Variants in TG observed in about 807,000 individuals in gnomAD.
TG encodes thyroglobulin.
Under a neutral mutation model 324.7 loss-of-function variants are expected in TG, and 270 were observed. The ratio of observed to expected loss-of-function variants is 0.83; its 90% CI spans 0.75 to 0.92. TG has a LOEUF of 0.92. Ranked by LOEUF, TG falls within the 40% of genes least tolerant of loss-of-function variation. The pLI, the probability that TG is intolerant of heterozygous loss-of-function variation, is 0.00. For missense variants in TG, 3,591 were observed against 3,456.4 expected (o/e 1.04, Z -0.98); for synonymous variants, 1,401 against 1,327.0 (o/e 1.06, Z -1.21).
intron 35 of TG, chr8:133,001,922 A>C (rs1408004534): frequency 3.7e-5 from 36 of 983,446 alleles, no homozygotes; most frequent in Non-Finnish European, 3.6e-5. Flanking sequence ...TCACTTGATG[A>C]GTGCTGAGCA....
chr8:132,973,098 C>T (rs1829752346), intron 34 of TG, among the ~76,000 whole-genome samples: 1 of 152,132 alleles, frequency 6.6e-6, no homozygotes. Context: ...AGAGTTTGGT[C>T]CCACCTGGGC....
intron 41 of TG, among the ~76,000 whole-genome samples, chr8:133,034,339 T>A (rs986627684): frequency 6.6e-6 from 1 of 152,220 alleles, no homozygotes; most frequent in Non-Finnish European, 1.5e-5. Context: ...ATAAAAGTTT[T>A]GTGCAATCAT....
At chr8:133,039,856 C>A in intron 41 of TG, 6 of 1,412,282 alleles carry the variant, frequency 4.2e-6, no homozygotes, top group Non-Finnish European at 5.7e-6. Context: ...GGGTGCTCAC[C>A]CCCCAGTTTC....
chr8:133,090,115 C>G (rs1847251980), intron 41 of TG: 1 of 152,294 alleles, frequency 6.6e-6, no homozygotes, highest in Admixed American at 6.5e-5. Context: ...ACTCACTTTG[C>G]CTGGAATAAA....
At chr8:133,087,182 T>A (rs1846724396) in intron 41 of TG, among the ~76,000 whole-genome samples, 1 of 151,336 alleles carries the variant, frequency 6.6e-6, no homozygotes, top group Non-Finnish European at 1.5e-5. Flanking sequence ...ATTGGGAGGA[T>A]TATGTGTAAT....
chr8:132,899,633 G>C (rs562969474), intron 14 of TG, among the ~76,000 whole-genome samples: 2 of 152,310 alleles, frequency 1.3e-5, no homozygotes, highest in East Asian at 1.9e-4. Context: ...AGAGAAATTA[G>C]TCACTATTGT....
chr8:132,942,424 C>T (rs947171493), intron 26 of TG, among the ~76,000 whole-genome samples: 1 of 152,160 alleles, frequency 6.6e-6, no homozygotes, highest in Non-Finnish European at 1.5e-5. Context: ...CACTATGTGA[C>T]TGGTCACATT....
chr8:132,881,186 C>T (rs1418430681), intron 5 of TG, among the ~76,000 whole-genome samples: 3 of 152,204 alleles, frequency 2.0e-5, no homozygotes, highest in Non-Finnish European at 4.4e-5. Context: ...CCTTACCTTT[C>T]TATTACTTCT....
intron 25 of TG, among the ~76,000 whole-genome samples, chr8:132,937,491 C>T (rs1563977746): frequency 6.6e-6 from 1 of 152,116 alleles, no homozygotes; most frequent in Non-Finnish European, 1.5e-5. Flanking sequence ...AATCTATGAC[C>T]AGGGTCACTC....
intron 41 of TG, among the ~76,000 whole-genome samples, chr8:133,034,843 A>C (rs185022225): frequency 1.3e-5 from 2 of 152,106 alleles, no homozygotes; most frequent in Admixed American, 1.3e-4. Flanking sequence ...AAGGAGGACC[A>C]TACCTGCCGT....
intron 43 of TG, chr8:133,102,502 C>T: frequency 6.5e-7 from 1 of 1,535,482 alleles, no homozygotes; most frequent in East Asian, 2.4e-5. Context: ...CACCCCAGGC[C>T]ACCTATGGCC....
intron 34 of TG, among the ~76,000 whole-genome samples, chr8:132,977,778 G>A (rs1370760231): frequency 1.3e-5 from 2 of 152,228 alleles, no homozygotes; most frequent in East Asian, 3.9e-4. Flanking sequence ...GGGAATCATG[G>A]GAGCTACAAG....
intron 27 of TG, among the ~76,000 whole-genome samples, chr8:132,953,664 C>G (rs1826426775): frequency 6.6e-6 from 1 of 152,194 alleles, no homozygotes; most frequent in African/African-American, 2.4e-5. Context: ...TTTGGAGACA[C>G]AGCACCTTTT....
chr8:132,960,731 T>G (rs1290596495), intron 27 of TG, among the ~76,000 whole-genome samples: 1 of 152,134 alleles, frequency 6.6e-6, no homozygotes, highest in Non-Finnish European at 1.5e-5. Context: ...CAATCTCCAG[T>G]TCTTTAAGTG....
intron 41 of TG, among the ~76,000 whole-genome samples, chr8:133,069,580 C>T (rs889190691): frequency 1.3e-5 from 2 of 152,192 alleles, no homozygotes; most frequent in Non-Finnish European, 2.9e-5. Context: ...ATTTGTGTGA[C>T]TGAGTGGTGA....
intron 16 of TG, among the ~76,000 whole-genome samples, chr8:132,905,264 C>T (rs890497770): frequency 9.9e-5 from 15 of 152,178 alleles, no homozygotes; most frequent in Non-Finnish European, 1.5e-5. Flanking sequence ...GGATTCATAG[C>T]CTGCAGGCTG....
intron 40 of TG, among the ~76,000 whole-genome samples, chr8:133,022,985 G>C (rs920416200): frequency 1.3e-5 from 2 of 152,312 alleles, no homozygotes; most frequent in Admixed American, 6.5e-5. Context: ...CATGTAAAAG[G>C]GTTTCAGAGA....
At chr8:132,877,718 G>A (rs1033319280) in intron 5 of TG, among the ~76,000 whole-genome samples, 4 of 152,158 alleles carry the variant, frequency 2.6e-5, no homozygotes, top group Non-Finnish European at 4.4e-5. Context: ...CCCTCTGCTA[G>A]CATTTGCTTT....
Position 132,882,993 on chromosome 8 carries a change from T to C in TG, c.1069T>C (p.Ser357Pro), listed in dbSNP as rs891695164. 6.2e-7 allele frequency: 1 copy of C among 1,613,702 alleles called. No homozygotes were observed. Among genetic ancestry groups the C allele is most frequent in the African/African-American group, 1.3e-5 (1 of 74,884 alleles). ...HGTRQQGEPP[S>P]CAEGQSCASE... ...AACCCGGCAGCAAGGGGAGCCGCCA[T>C]CTTGTGGTGGGTTTCCTCTGGGGGC... Residue 357 changes from serine (S) to proline (P), a missense_variant, in exon 8 of 48, where the codon TCT becomes CCT. Coordinates refer to ENST00000220616, the MANE Select transcript of TG (RefSeq NM_003235.5).
Sources: allele counts gnomAD v4.1 joint callset (sites outside exome capture counted in the v4.1 genomes callset), GRCh38; gene constraint gnomAD v4.1.1; transcripts MANE v1.5; gene names NCBI Gene and HGNC (gene_info 2026-07-23, HGNC 2026-07-21).